SHANK2: variants seen among roughly 807,000 people sequenced by gnomAD.
The protein encoded by SHANK2 is SH3 and multiple ankyrin repeat domains 2, also known as SH3 and multiple ankyrin repeat domains protein 2.
A neutral mutation model predicts 133.7 loss-of-function variants in SHANK2; 43 were observed. The ratio of observed to expected loss-of-function variants is 0.32; its 90% CI spans 0.25 to 0.41. The LOEUF (loss-of-function observed/expected upper bound fraction) is 0.41. Ranked by LOEUF, SHANK2 falls within the 10% of genes least tolerant of loss-of-function variation. The pLI is 1.00. For synonymous variants in SHANK2, 1,017 were observed against 952.8 expected, an observed-to-expected ratio of 1.07 and a Z score of -1.24; for missense variants, 1,994 against 2,235.8, an observed-to-expected ratio of 0.89 and a Z score of 2.18.
At chr11:70,914,737 T>TAAAAA (rs1950246101) in intron 10 of SHANK2, among the ~76,000 whole-genome samples, 1 of 117,134 alleles carries the variant, frequency 8.5e-6, no homozygotes, top group East Asian at 2.8e-4. Context: ...CAAAACAAAG[T>TAAAAA]AAAATTAGCC....
chr11:70,952,616 T>C (rs1756314360), intron 10 of SHANK2: 1 of 253,494 alleles, frequency 3.9e-6, no homozygotes, highest in Non-Finnish European at 8.7e-6. Flanking sequence ...GCCGTGGCTT[T>C]TCTGTGTGGC....
intron 11 of SHANK2, among the ~76,000 whole-genome samples, chr11:70,859,749 AG>A (rs1406453316): frequency 6.6e-6 from 1 of 152,178 alleles, no homozygotes; most frequent in Non-Finnish European, 1.5e-5. Flanking sequence ...AAAACATGCC[AG>A]GAAGCTTGTT....
At chr11:70,580,046 A>G (rs2060163836) in intron 17 of SHANK2, among the ~76,000 whole-genome samples, 1 of 152,196 alleles carries the variant, frequency 6.6e-6, no homozygotes, top group African/African-American at 2.4e-5. Context: ...TGGCTTTCAC[A>G]ACGCTAAGAT....
At chr11:70,574,902 C>T (rs1554983906) in intron 17 of SHANK2, among the ~76,000 whole-genome samples, 1 of 152,148 alleles carries the variant, frequency 6.6e-6, no homozygotes, top group African/African-American at 2.4e-5. Flanking sequence ...CTTTCCTTCC[C>T]CATCCTCTTC....
At chr11:70,686,988 C>T (rs1011549506) in intron 15 of SHANK2, among the ~76,000 whole-genome samples, 1 of 152,232 alleles carries the variant, frequency 6.6e-6, no homozygotes, top group Admixed American at 6.5e-5. Flanking sequence ...TTGGGCTGCC[C>T]TCTGGATACC....
At chr11:70,488,008 CAGG>C (rs1417001911) in intron 24 of SHANK2, among the ~76,000 whole-genome samples, 2 of 152,224 alleles carry the variant, frequency 1.3e-5, no homozygotes, top group Non-Finnish European at 2.9e-5. Context: ...GAGGCCAGGG[CAGG>C]AGGGCCCCTG....
rs145973493 is a variant in SHANK2 at position 70,863,348 on chromosome 11, C to T, written c.1174+33153G>A. ...GCCCAGTGCCCAGATGCCGGCTCCC[C>T]GAACACAGCCCGACCTCATCCTGGT... On this transcript the variant is annotated intron_variant, in intron 11 of 25. Transcript: ENST00000601538. 3,342 of 458,110 alleles carry T rather than the reference C, an allele frequency of 7.3e-3. 99 individuals carry two copies. Among genetic ancestry groups the T allele is most frequent in the Admixed American group, 0.06 (2,561 of 42,572 alleles). 28.4% of individuals were successfully genotyped at this position (458,110 alleles called of 1,614,324 possible). A position where few individuals can be genotyped will look rare whatever the true frequency, so the allele number is the denominator to read the frequency against.
intron 17 of SHANK2, among the ~76,000 whole-genome samples, chr11:70,572,954 A>G (rs2060064633): frequency 6.6e-6 from 1 of 152,178 alleles, no homozygotes; most frequent in East Asian, 1.9e-4. Context: ...GGACATTCAC[A>G]GCAACTTTAT....
chr11:70,637,840 A>C (rs1418027841), intron 17 of SHANK2, among the ~76,000 whole-genome samples: 2 of 152,220 alleles, frequency 1.3e-5, no homozygotes, highest in African/African-American at 4.8e-5. Context: ...AGCCAGCCTC[A>C]GGCTGACCAG....
At chr11:71,185,386 T>C (rs4944286) in intron 2 of SHANK2, among the ~76,000 whole-genome samples, 2,845 of 152,346 alleles carry the variant, frequency 0.019, 195 homozygotes, top group Admixed American at 0.14. Flanking sequence ...CTGATCACTA[T>C]ATATGGCTAA....
At position 71,092,479 on chromosome 11, in the gene SHANK2, C is replaced by A; in HGVS notation, c.855G>T (p.Leu285=). ...GGDPYCCELL[L]HEHATVCCKD... The stretch of plus-strand genomic sequence containing the variant: ...TGCAGCACACAGTGGCGTGTTCGTG[C>A]AGGAGAAGCTCGCAGCAGTAGGGAT... The change falls in exon 8 of 26, where the codon CTG becomes CTT. Residue 285 remains leucine, a synonymous_variant. Coordinates refer to ENST00000601538, the MANE Select transcript of SHANK2 (RefSeq NM_012309.5). The A allele has an allele frequency of 6.4e-7, 1 of 1,551,582 alleles. No homozygotes were observed.
chr11:70,711,327 C>T (rs1363087353), intron 14 of SHANK2, among the ~76,000 whole-genome samples: 4 of 152,356 alleles, frequency 2.6e-5, no homozygotes, highest in South Asian at 2.1e-4. Context: ...TGCACCCGAA[C>T]GCCTCCCTCC....
chr11:70,685,818 G>A (rs1591748056), intron 15 of SHANK2, among the ~76,000 whole-genome samples: 2 of 152,230 alleles, frequency 1.3e-5, no homozygotes, highest in African/African-American at 4.8e-5. Context: ...TCCTTCCCAT[G>A]AAGTGAAAAT....
chr11:70,696,106 A>T (rs1330760391), intron 15 of SHANK2, among the ~76,000 whole-genome samples: 3 of 152,140 alleles, frequency 2.0e-5, no homozygotes, highest in African/African-American at 7.2e-5. Context: ...GAGGTCATCC[A>T]GTCCAATCTT....
intron 17 of SHANK2, among the ~76,000 whole-genome samples, chr11:70,658,282 G>GACAC (rs138823201): frequency 8.7e-4 from 97 of 111,610 alleles, no homozygotes; most frequent in Middle Eastern, 4.8e-3. Context: ...CACACACACA[G>GACAC]ACACACACAC....
At chr11:70,810,930 C>T (rs951951832) in intron 12 of SHANK2, among the ~76,000 whole-genome samples, 3 of 152,116 alleles carry the variant, frequency 2.0e-5, no homozygotes, top group Non-Finnish European at 2.9e-5. Flanking sequence ...GCGACATGGG[C>T]GATTGGAGGA....
intron 14 of SHANK2, among the ~76,000 whole-genome samples, chr11:70,772,305 T>G (rs1947267175): frequency 6.6e-6 from 1 of 151,560 alleles, no homozygotes; most frequent in East Asian, 1.9e-4. Context: ...CTGGGGGTGG[T>G]GGCGCGCGCC....
intron 20 of SHANK2, 37 bp downstream of exon 20, chr11:70,501,886 G>A: frequency 6.4e-7 from 1 of 1,556,200 alleles, no homozygotes; most frequent in South Asian, 1.2e-5. Flanking sequence ...CTAGACAGCA[G>A]GGGGAGCTGC....
chr11:70,616,198 A>G (rs2060739188), intron 17 of SHANK2, among the ~76,000 whole-genome samples: 1 of 152,200 alleles, frequency 6.6e-6, no homozygotes, highest in South Asian at 2.1e-4. Flanking sequence ...GACATGATGC[A>G]ACTGAACGGA....
Sources: gnomAD v4.1 joint callset for allele counts (sites outside exome capture counted in the v4.1 genomes callset) on GRCh38, gnomAD v4.1.1 for gene constraint, MANE v1.5 for transcripts, NCBI Gene and HGNC (gene_info 2026-07-23, HGNC 2026-07-21) for gene names.